The following EFCAB11 variants were observed in gnomAD, a reference collection of about 807,000 sequenced individuals.
EFCAB11 encodes EF-hand calcium-binding domain-containing protein 11.
A neutral mutation model predicts 23.0 loss-of-function variants in EFCAB11; 14 were observed. The ratio of observed to expected loss-of-function variants is 0.61; its 90% CI spans 0.40 to 0.95. The LOEUF (loss-of-function observed/expected upper bound fraction) is 0.95, where lower values mean the gene tolerates loss of function less well. Among genes scored for constraint, EFCAB11 ranks in the 40% least tolerant of loss-of-function variants. The pLI is 0.00. For synonymous variants in EFCAB11, 65 were observed against 66.6 expected (o/e 0.98, Z 0.11); for missense variants, 198 against 195.8 (o/e 1.01, Z -0.07).
intron 5 of EFCAB11, chr14:89,848,946 A>C (rs1286926605): frequency 6.6e-6 from 1 of 152,236 alleles, no homozygotes; most frequent in East Asian, 1.9e-4. Context: ...TAAATAAATA[A>C]AAATGAAAAT....
At position 89,924,016 on chromosome 14, in the gene EFCAB11, G is replaced by A. The variant is rs557421697; in HGVS notation, c.410+7525C>T. ...GCCTATTTGTTTTACCCAAGCTGGT[G>A]ACAGTCCTTACCCCTATAATGGCTG... is the stretch of plus-strand genomic sequence containing the variant. On this transcript the variant is annotated intron_variant, in intron 5 of 5. Coordinates refer to ENST00000316738, the MANE Select transcript of EFCAB11 (RefSeq NM_145231.4). The A allele has an allele frequency of 2.7e-5, 27 of 985,352 alleles. 1 individual carries two copies. The South Asian group carries it at 1.0e-3, about 38-fold the overall frequency. 61.0% of individuals were successfully genotyped at this position (985,352 alleles called of 1,614,324 possible).
chr14:89,797,444 C>A, intron 5 of EFCAB11, 120 bp from the exon 6 acceptor site: 1 of 791,038 alleles, frequency 1.3e-6, no homozygotes, highest in Non-Finnish European at 2.0e-6. Context: ...ATTTTATCTA[C>A]TTGAAGGCTG....
At chr14:89,809,661 T>C (rs1455683474) in intron 5 of EFCAB11, among the ~76,000 whole-genome samples, 2 of 152,138 alleles carry the variant, frequency 1.3e-5, no homozygotes, top group East Asian at 3.9e-4. Context: ...AGTGCAGAAG[T>C]GTAAGAAGAC....
chr14:89,826,476 G>T (rs757019004), intron 5 of EFCAB11, among the ~76,000 whole-genome samples: 16 of 151,266 alleles, frequency 1.1e-4, no homozygotes, highest in Middle Eastern at 3.2e-3. Flanking sequence ...TTTTTTTAAT[G>T]CAGTAGGATG....
intron 5 of EFCAB11, among the ~76,000 whole-genome samples, chr14:89,841,422 C>T (rs1349543904): frequency 2.0e-5 from 3 of 151,522 alleles, no homozygotes; most frequent in Non-Finnish European, 4.4e-5. Context: ...CATCTCCCCT[C>T]CCCCTCAACT....
At chr14:89,870,563 T>C (rs1164353502) in intron 5 of EFCAB11, among the ~76,000 whole-genome samples, 3 of 152,126 alleles carry the variant, frequency 2.0e-5, no homozygotes, top group African/African-American at 7.2e-5. Flanking sequence ...ATGTGACTAA[T>C]AGGTATATGA....
intron 5 of EFCAB11, among the ~76,000 whole-genome samples, chr14:89,867,644 T>A (rs535941324): frequency 6.6e-6 from 1 of 152,338 alleles, no homozygotes; most frequent in South Asian, 2.1e-4. Flanking sequence ...ATGCATTTAA[T>A]AAGTATTTTG....
chr14:89,831,350 G>C (rs1886878201), intron 5 of EFCAB11: 2 of 152,176 alleles, frequency 1.3e-5, no homozygotes, highest in Admixed American at 1.3e-4. Flanking sequence ...TTCAGATACA[G>C]AGTTTAGAGT....
chr14:89,820,816 C>T (rs1290032468), intron 5 of EFCAB11, among the ~76,000 whole-genome samples: 1 of 151,682 alleles, frequency 6.6e-6, no homozygotes, highest in African/African-American at 2.4e-5. Context: ...GCTATGATGC[C>T]CAGTTGTTTG....
intron 2 of EFCAB11, chr14:89,952,448 C>T (rs1891205253): frequency 1.0e-6 from 1 of 985,226 alleles, no homozygotes; most frequent in Admixed American, 6.2e-5. Context: ...TTCAGCTGAC[C>T]TGCTTTGTAA....
At chr14:89,847,249 T>G (rs1056678816) in intron 5 of EFCAB11, among the ~76,000 whole-genome samples, 2 of 152,158 alleles carry the variant, frequency 1.3e-5, no homozygotes, top group Non-Finnish European at 1.5e-5. Flanking sequence ...CATCCCCTCT[T>G]TCTCTAAATT....
intron 5 of EFCAB11, among the ~76,000 whole-genome samples, chr14:89,903,036 T>C (rs917086113): frequency 1.3e-5 from 2 of 152,164 alleles, no homozygotes; most frequent in Non-Finnish European, 2.9e-5. Flanking sequence ...ACACAACACA[T>C]TAGGTCAGTC....
chr14:89,854,308 AG>A (rs1055836292), intron 5 of EFCAB11, among the ~76,000 whole-genome samples: 3 of 152,116 alleles, frequency 2.0e-5, no homozygotes, highest in Non-Finnish European at 2.9e-5. Flanking sequence ...AATGACCCAT[AG>A]GAGAGCTGGG....
chr14:89,804,382 T>G (rs1224770725), intron 5 of EFCAB11, among the ~76,000 whole-genome samples: 2 of 152,234 alleles, frequency 1.3e-5, no homozygotes, highest in African/African-American at 2.4e-5. Flanking sequence ...AGGACTGTTG[T>G]GAAGACTGCA....
rs545234307 is a variant in EFCAB11, at chr14:89,883,712, AT to A, written c.410+47828del. Among the ~76,000 whole-genome samples the A allele has an allele frequency of 2.1e-3, 316 of 152,356 alleles. 1 individual carries two copies. Among genetic ancestry groups the A allele is most frequent in the African/African-American group, 7.2e-3 (300 of 41,582 alleles). On this transcript the variant is annotated intron_variant, in intron 5 of 5. Transcript: ENST00000316738. ...AGGGCCAAATGTACATTTACTTTTT[AT>A]TTGGACACAAATGCCAAGTCACCTG...
At chr14:89,900,867 G>T (rs1347063016) in intron 5 of EFCAB11, among the ~76,000 whole-genome samples, 1 of 152,080 alleles carries the variant, frequency 6.6e-6, no homozygotes, top group Non-Finnish European at 1.5e-5. Context: ...TATCTCTGAA[G>T]GAAGATTCAA....
chr14:89,954,611 G>A lies in EFCAB11; in HGVS notation c.50C>T (p.Pro17Leu), dbSNP rs867348372. ...RARSRTWEAS[P>L]SEHRKWVEVF... ...TTCCACCCACTTCCTGTGTTCCGAG[G>A]GACTGGCTTCCCACGTCCGCGACCT... Residue 17 changes from proline to leucine, a missense_variant, in exon 1 of 6, where the codon CCC becomes CTC. By Grantham distance (98) the Pro-to-Leu change is moderately conservative. Transcript: ENST00000316738. 3 of 1,613,646 alleles carry A rather than the reference G, an allele frequency of 1.9e-6. No individual in the cohort carries two copies. The highest frequency in any genetic ancestry group is 2.7e-5 in the African/African-American group (2 of 74,898).
chr14:89,828,495 G>A (rs1286327853), intron 5 of EFCAB11, among the ~76,000 whole-genome samples: 2 of 152,128 alleles, frequency 1.3e-5, no homozygotes, highest in East Asian at 1.9e-4. Flanking sequence ...GACCCAAAGA[G>A]TTCATAGTGC....
At chr14:89,884,290 T>C (rs1888686382) in intron 5 of EFCAB11, among the ~76,000 whole-genome samples, 1 of 152,104 alleles carries the variant, frequency 6.6e-6, no homozygotes, top group Non-Finnish European at 1.5e-5. Flanking sequence ...AGGAGAAAAA[T>C]ATGATTATGG....
Sources: allele counts gnomAD v4.1 joint callset (sites outside exome capture counted in the v4.1 genomes callset), GRCh38; gene constraint gnomAD v4.1.1; transcripts MANE v1.5; gene names NCBI Gene and HGNC (gene_info 2026-07-23, HGNC 2026-07-21).